Variants in ERBB4 observed in about 807,000 individuals in gnomAD.
The protein encoded by ERBB4 is erb-b2 receptor tyrosine kinase 4, also known as receptor tyrosine-protein kinase erbB-4.
In ERBB4, 42 loss-of-function variants were observed where a neutral mutation model predicts 158.0. The observed-to-expected ratio is 0.27, with a 90% CI of 0.21 to 0.34. The LOEUF is 0.34. ERBB4 is among the 10% of genes least tolerant of loss of function. The pLI is 1.00. For missense variants in ERBB4, 1,333 were observed against 1,624.1 expected (o/e 0.82, Z 3.08); for synonymous variants, 583 against 558.7 (o/e 1.04, Z -0.61).
rs147561243 is a variant in ERBB4 at position 211,692,602 on chromosome 2, T to C, written c.1489+9365A>G. On this transcript the variant is annotated intron_variant, in intron 12 of 27. Coordinates refer to ENST00000342788, the MANE Select transcript of ERBB4 (RefSeq NM_005235.3). ...TCAGCTTTTAAAGACCCCTTTGGCG[T>C]TGGCTTGCAGTGACATTGCTCCAAC... Among the ~76,000 whole-genome samples the C allele has an allele frequency of 5.6e-3, 846 of 152,222 alleles. 9 individuals are homozygous for C. The highest frequency in any genetic ancestry group is 6.8e-3 in the Middle Eastern group (2 of 294).
chr2:212,362,709 AAAT>A (rs77684325), intron 1 of ERBB4, among the ~76,000 whole-genome samples: 22,690 of 151,158 alleles, frequency 0.15, 2,385 homozygotes, highest in African/African-American at 0.3. Context: ...TATAAAAAAT[AAAT>A]AATACAATAG....
At chr2:212,251,407 C>T (rs1574521609) in intron 1 of ERBB4, among the ~76,000 whole-genome samples, 1 of 151,732 alleles carries the variant, frequency 6.6e-6, no homozygotes, top group East Asian at 1.9e-4. Context: ...AAACATAATC[C>T]CTGTCCTCAA....
intron 3 of ERBB4, among the ~76,000 whole-genome samples, chr2:211,803,239 A>C (rs1055583333): frequency 1.3e-5 from 2 of 152,224 alleles, no homozygotes; most frequent in Non-Finnish European, 2.9e-5. Flanking sequence ...CATCCAAGCA[A>C]CATTATTATT....
At chr2:212,513,736 C>T (rs550380505) in intron 1 of ERBB4, among the ~76,000 whole-genome samples, 3 of 152,234 alleles carry the variant, frequency 2.0e-5, no homozygotes, top group Admixed American at 2.0e-4. Context: ...GGCATGAACC[C>T]AGGAGGCGGA....
intron 2 of ERBB4, among the ~76,000 whole-genome samples, chr2:211,983,790 T>A (rs1273213372): frequency 6.6e-6 from 1 of 152,164 alleles, no homozygotes; most frequent in Admixed American, 6.6e-5. Context: ...TTTGAAAGAA[T>A]TAAGAATAGA....
intron 1 of ERBB4, among the ~76,000 whole-genome samples, chr2:212,129,311 T>C (rs1029003191): frequency 4.0e-5 from 6 of 151,806 alleles, no homozygotes; most frequent in East Asian, 1.9e-4. Flanking sequence ...ACCTTTTATA[T>C]AGAAGCTTAA....
chr2:211,647,191 C>CT lies in ERBB4; in HGVS notation c.1946+10562dup, dbSNP rs1235612491. ...ATATGTTCTTTTCCTCTTAACTCTTCTTTTTTTTCAGGAAACTGTTATAAT... is the reference window on the plus strand; with the variant it reads ...ATATGTTCTTTTCCTCTTAACTCTTCTTTTTTTTTCAGGAAACTGTTATAAT... On this transcript the variant is annotated intron_variant, in intron 16 of 27. Transcript: ENST00000342788. 9.6e-4 allele frequency among the ~76,000 whole-genome samples: 145 copies of CT among 151,336 alleles called. 1 individual carries two copies. Among genetic ancestry groups the CT allele is most frequent in the African/African-American group, 3.4e-3 (140 of 41,438 alleles).
intron 3 of ERBB4, among the ~76,000 whole-genome samples, chr2:211,796,561 G>A (rs2076387271): frequency 6.6e-6 from 1 of 151,924 alleles, no homozygotes; most frequent in Admixed American, 6.6e-5. Context: ...AGTAGTATAT[G>A]AGAAATCTAG....
intron 1 of ERBB4, among the ~76,000 whole-genome samples, chr2:212,182,846 C>T (rs2081912265): frequency 6.7e-6 from 1 of 148,590 alleles, no homozygotes; most frequent in African/African-American, 2.5e-5. Flanking sequence ...ATAGACTACT[C>T]ATCTTCTTTG....
At chr2:212,003,330 A>G in intron 2 of ERBB4, among the ~76,000 whole-genome samples, 1 of 151,412 alleles carries the variant, frequency 6.6e-6, no homozygotes, top group African/African-American at 2.4e-5. Flanking sequence ...GGTAAAAAAA[A>G]AAAAAATGCA....
At chr2:211,613,044 G>C (rs1044760931) in intron 19 of ERBB4, among the ~76,000 whole-genome samples, 4 of 152,012 alleles carry the variant, frequency 2.6e-5, no homozygotes, top group African/African-American at 9.7e-5. Flanking sequence ...AGGTGTGCTA[G>C]ACTTGGGACG....
At chr2:212,380,273 A>G (rs1158479161) in intron 1 of ERBB4, among the ~76,000 whole-genome samples, 1 of 151,358 alleles carries the variant, frequency 6.6e-6, no homozygotes, top group African/African-American at 2.4e-5. Context: ...ACTATTCTAC[A>G]TCTAATAAAG....
intron 3 of ERBB4, among the ~76,000 whole-genome samples, chr2:211,901,837 A>C (rs772118620): frequency 6.6e-6 from 1 of 152,120 alleles, no homozygotes; most frequent in Non-Finnish European, 1.5e-5. Flanking sequence ...TTATTTGTAG[A>C]GTCAAAAAAA....
chr2:211,505,636 A>T (rs1224622269), intron 20 of ERBB4, among the ~76,000 whole-genome samples: 1 of 152,130 alleles, frequency 6.6e-6, no homozygotes, highest in Non-Finnish European at 1.5e-5. Context: ...ATTAACAAAG[A>T]ATGTAAACAG....
chr2:212,202,398 G>A (rs2082613656), intron 1 of ERBB4, among the ~76,000 whole-genome samples: 1 of 151,942 alleles, frequency 6.6e-6, no homozygotes, highest in Admixed American at 6.6e-5. Flanking sequence ...TCCCAGGCTG[G>A]AATGAAGTGG....
chr2:212,185,078 T>C (rs1017840095), intron 1 of ERBB4, among the ~76,000 whole-genome samples: 89 of 149,438 alleles, frequency 6.0e-4, no homozygotes, highest in African/African-American at 2.1e-3. Context: ...TGGAATGTAG[T>C]GGCACAATCT....
chr2:212,325,257 G>C lies in ERBB4; in HGVS notation c.83-200354C>G, dbSNP rs1208166569. Among the ~76,000 whole-genome samples the C allele has an allele frequency of 1.3e-5, 2 of 150,506 alleles. 1 individual carries two copies. The highest frequency in any genetic ancestry group is 3.0e-5 in the Non-Finnish European group (2 of 67,148). ...AGTGAAATTCATGAATATAAAGGTA[G>C]TCCATAAAACGTAATTTGTAGATTT... On this transcript the variant is annotated intron_variant, in intron 1 of 27. Transcript: ENST00000342788.
intron 10 of ERBB4, 51 bp from the exon 11 acceptor site, chr2:211,704,245 TAGTG>T: frequency 8.8e-7 from 1 of 1,140,836 alleles, no homozygotes; most frequent in Non-Finnish European, 1.3e-6. Context: ...GTCTTAGTAT[TAGTG>T]CTGATTTTTC....
chr2:211,933,852 T>G (rs553812555), intron 3 of ERBB4, among the ~76,000 whole-genome samples: 5 of 152,144 alleles, frequency 3.3e-5, no homozygotes, highest in African/African-American at 1.2e-4. Flanking sequence ...GAGATTTTTA[T>G]TGCTCTTTAT....
Sources: allele counts gnomAD v4.1 joint callset (sites outside exome capture counted in the v4.1 genomes callset), GRCh38; gene constraint gnomAD v4.1.1; transcripts MANE v1.5; gene names NCBI Gene and HGNC (gene_info 2026-07-23, HGNC 2026-07-21).